Variants in BMPR2 observed in about 807,000 individuals in gnomAD.
BMPR2 encodes the protein bone morphogenetic protein receptor type-2.
Under a neutral mutation model 100.8 loss-of-function variants are expected in BMPR2, and 29 were observed. The observed-to-expected ratio is 0.29, with a 90% CI of 0.21 to 0.39. The LOEUF is 0.39. Among genes scored for constraint, BMPR2 ranks in the 10% least tolerant of loss-of-function variants. The pLI, the probability that BMPR2 is intolerant of heterozygous loss-of-function variation, is 1.00. For missense variants in BMPR2, 1,011 were observed against 1,274.5 expected (o/e 0.79, Z 3.15); for synonymous variants, 382 against 442.3 (o/e 0.86, Z 1.71).
At chr2:202,470,334 C>T (rs890413566) in intron 3 of BMPR2, among the ~76,000 whole-genome samples, 5 of 151,536 alleles carry the variant, frequency 3.3e-5, no homozygotes, top group Admixed American at 2.0e-4. Flanking sequence ...AAGAGTGAAA[C>T]GCTGTCTCAA....
chr2:202,383,953 A>C (rs947741338), intron 1 of BMPR2, among the ~76,000 whole-genome samples: 1 of 151,974 alleles, frequency 6.6e-6, no homozygotes, highest in Non-Finnish European at 1.5e-5. Context: ...TGGTGGATCA[A>C]CTGACGTTAG....
At chr2:202,538,607 C>T (rs12471623) in intron 9 of BMPR2, among the ~76,000 whole-genome samples, 2 of 151,974 alleles carry the variant, frequency 1.3e-5, no homozygotes, top group South Asian at 2.1e-4. Flanking sequence ...GCCTGACCAA[C>T]GTGGTGAAAC....
chr2:202,467,384 T>G, intron 2 of BMPR2, 135 bp from the exon 3 acceptor site: 1 of 774,854 alleles, frequency 1.3e-6, no homozygotes, highest in Non-Finnish European at 2.1e-6. Flanking sequence ...AAAATATGTT[T>G]CCTGTTGATT....
chr2:202,475,922 A>G (rs1269973088), intron 3 of BMPR2, among the ~76,000 whole-genome samples: 1 of 151,886 alleles, frequency 6.6e-6, no homozygotes, highest in Non-Finnish European at 1.5e-5. Context: ...AAAAAATGCA[A>G]AATTAGCCGG....
intron 1 of BMPR2, among the ~76,000 whole-genome samples, chr2:202,392,164 G>C (rs554444499): frequency 6.6e-6 from 1 of 151,618 alleles, no homozygotes; most frequent in African/African-American, 2.4e-5. Context: ...TCCGCCTGCC[G>C]GGTTCAAACG....
chr2:202,498,642 C>T (rs929391787), intron 3 of BMPR2, among the ~76,000 whole-genome samples: 14 of 152,146 alleles, frequency 9.2e-5, no homozygotes, highest in African/African-American at 3.1e-4. Context: ...ATGGGAAACA[C>T]TCAGGCATCA....
intron 1 of BMPR2, among the ~76,000 whole-genome samples, chr2:202,453,667 G>A (rs1449633223): frequency 1.3e-5 from 2 of 152,202 alleles, no homozygotes; most frequent in Non-Finnish European, 2.9e-5. Flanking sequence ...GAGAAGAATA[G>A]TGGCAGAGGG....
chr2:202,518,574 A>G (rs1243180122), intron 5 of BMPR2, among the ~76,000 whole-genome samples: 2 of 152,162 alleles, frequency 1.3e-5, no homozygotes, highest in African/African-American at 4.8e-5. Flanking sequence ...CTCAAGATCT[A>G]TCTGCCTTTA....
chr2:202,381,424 G>A (rs1690290461), intron 1 of BMPR2, among the ~76,000 whole-genome samples: 1 of 152,088 alleles, frequency 6.6e-6, no homozygotes, highest in African/African-American at 2.4e-5. Context: ...ATCTATCTGG[G>A]GGAGGCTTGT....
intron 1 of BMPR2, among the ~76,000 whole-genome samples, chr2:202,451,752 G>GTTGTTT (rs1340137114): frequency 1.3e-5 from 2 of 151,936 alleles, no homozygotes; most frequent in Non-Finnish European, 2.9e-5. Context: ...GTTTTTTGTT[G>GTTGTTT]TTGTTGTTGT....
intron 3 of BMPR2, 134 bp downstream of exon 3, chr2:202,467,823 C>T (rs1373489574): frequency 1.1e-6 from 1 of 905,460 alleles, no homozygotes; most frequent in Non-Finnish European, 1.7e-6. Context: ...CTTTGGGAGG[C>T]CGAGGTGGAT....
At chr2:202,547,132 A>G (rs1688389954) in intron 10 of BMPR2, among the ~76,000 whole-genome samples, 1 of 152,180 alleles carries the variant, frequency 6.6e-6, no homozygotes, top group African/African-American at 2.4e-5. Flanking sequence ...ATAAAAAATT[A>G]TAGGCCACGT....
At chr2:202,448,650 G>A (rs1031000440) in intron 1 of BMPR2, among the ~76,000 whole-genome samples, 1 of 150,848 alleles carries the variant, frequency 6.6e-6, no homozygotes, top group African/African-American at 2.4e-5. Context: ...TAGAGACGGG[G>A]TTTCGACATG....
intron 5 of BMPR2, 59 bp from the exon 6 acceptor site, chr2:202,518,763 A>T: frequency 7.6e-7 from 1 of 1,307,866 alleles, no homozygotes; most frequent in Non-Finnish European, 1.1e-6. Context: ...TTTATTATTT[A>T]GTAAATTTGA....
Position 202,560,008 on chromosome 2 carries a change from T to A in BMPR2, c.*62T>A, listed in dbSNP as rs907162896. On this transcript the variant is annotated 3_prime_UTR_variant, in exon 13 of 13. Coordinates refer to ENST00000374580, the MANE Select transcript of BMPR2 (RefSeq NM_001204.7). ...CATCATTTAAACATGCAGAAGATGTTTAAAAATAAAAAAAAAACTGCTTTA... is the reference window on the plus strand; with the variant it reads ...CATCATTTAAACATGCAGAAGATGTATAAAAATAAAAAAAAAACTGCTTTA... 6.2e-7 allele frequency: 1 copy of A among 1,603,600 alleles called. No homozygotes were observed. Among genetic ancestry groups the A allele is most frequent in the Non-Finnish European group, 8.5e-7 (1 of 1,176,504 alleles).
intron 3 of BMPR2, among the ~76,000 whole-genome samples, chr2:202,476,131 G>A (rs987669457): frequency 1.3e-5 from 2 of 150,384 alleles, no homozygotes; most frequent in African/African-American, 4.9e-5. Flanking sequence ...CATGTATGGT[G>A]GAATTGACCA....
chr2:202,453,613 T>G (rs1260714110), intron 1 of BMPR2, among the ~76,000 whole-genome samples: 1 of 152,094 alleles, frequency 6.6e-6, no homozygotes, highest in Non-Finnish European at 1.5e-5. Flanking sequence ...TTAAAACAAT[T>G]GAACTCATGG....
intron 1 of BMPR2, among the ~76,000 whole-genome samples, chr2:202,463,883 T>C (rs1692268439): frequency 6.6e-6 from 1 of 152,046 alleles, no homozygotes; most frequent in African/African-American, 2.4e-5. Flanking sequence ...TTTTTGGTCG[T>C]GCATGGTGGC....
At chr2:202,555,195 G>C in intron 11 of BMPR2, 57 bp from the exon 12 acceptor site, 1 of 1,478,890 alleles carries the variant, frequency 6.8e-7, no homozygotes, top group Non-Finnish European at 9.4e-7. Context: ...TAAATTTGGA[G>C]AGACAGTTTG....
Sources: allele counts gnomAD v4.1 joint callset (sites outside exome capture counted in the v4.1 genomes callset), GRCh38; gene constraint gnomAD v4.1.1; transcripts MANE v1.5; gene names NCBI Gene and HGNC (gene_info 2026-07-23, HGNC 2026-07-21).